TRIM33: variants seen among roughly 807,000 people sequenced by gnomAD.
The protein encoded by TRIM33 is tripartite motif containing 33.
Under a neutral mutation model 125.4 loss-of-function variants are expected in TRIM33, and 20 were observed. The observed-to-expected ratio is 0.16, with a 90% CI of 0.11 to 0.23. The LOEUF is 0.23. Among genes scored for constraint, TRIM33 ranks in the 10% least tolerant of loss-of-function variants. The probability of loss-of-function intolerance (pLI) is 1.00; values close to 1 mark genes in which losing one functional copy is unlikely to be tolerated. For synonymous variants in TRIM33, 564 were observed against 513.9 expected, an observed-to-expected ratio of 1.10 and a Z score of -1.32; for missense variants, 920 against 1,411.4, an observed-to-expected ratio of 0.65 and a Z score of 5.58.
At chr1:114,452,951 T>G (rs1184199220) in intron 4 of TRIM33, among the ~76,000 whole-genome samples, 1 of 151,608 alleles carries the variant, frequency 6.6e-6, no homozygotes, top group East Asian at 2.0e-4. Flanking sequence ...ACTGACTCAA[T>G]AAGCGTATAA....
chr1:114,397,523 T>A lies in TRIM33; in HGVS notation c.*125A>T. The A allele has an allele frequency of 3.0e-6, 2 of 670,950 alleles. No homozygotes were observed. The highest frequency in any genetic ancestry group is 3.8e-5 in the South Asian group (2 of 52,612). The allele number at this position is 670,950 out of a possible 1,614,324, so 41.6% of individuals were successfully genotyped here. On this transcript the variant is annotated 3_prime_UTR_variant, in exon 20 of 20. Coordinates refer to ENST00000358465, the MANE Select transcript of TRIM33 (RefSeq NM_015906.4). ...ATACTGTGTAAAAGCTATCAGCTTCTTCAAGGAGGTGCCCACTGTAGGCAG... is the reference window on the plus strand; with the variant it reads ...ATACTGTGTAAAAGCTATCAGCTTCATCAAGGAGGTGCCCACTGTAGGCAG...
intron 4 of TRIM33, among the ~76,000 whole-genome samples, chr1:114,450,917 T>C (rs1649272156): frequency 6.6e-6 from 1 of 152,246 alleles, no homozygotes; most frequent in Non-Finnish European, 1.5e-5. Flanking sequence ...ACATTTGTTT[T>C]CTTTTTTCTA....
At chr1:114,436,717 G>A (rs1648332652) in intron 4 of TRIM33, among the ~76,000 whole-genome samples, 1 of 151,924 alleles carries the variant, frequency 6.6e-6, no homozygotes, top group Non-Finnish European at 1.5e-5. Context: ...CGCCCACCTC[G>A]ACCTCCCAAA....
chr1:114,414,451 A>G (rs1259513847), intron 11 of TRIM33, among the ~76,000 whole-genome samples: 1 of 152,104 alleles, frequency 6.6e-6, no homozygotes, highest in Non-Finnish European at 1.5e-5. Flanking sequence ...CTGTTCTTCA[A>G]AAGTGCCCAG....
intron 7 of TRIM33, among the ~76,000 whole-genome samples, chr1:114,427,535 C>T (rs1647667672): frequency 6.6e-6 from 1 of 152,034 alleles, no homozygotes; most frequent in Non-Finnish European, 1.5e-5. Context: ...TATAATTCCA[C>T]TTATATGAAA....
chr1:114,451,875 A>G (rs1649335583), intron 4 of TRIM33, among the ~76,000 whole-genome samples: 1 of 152,196 alleles, frequency 6.6e-6, no homozygotes, highest in Non-Finnish European at 1.5e-5. Context: ...AATTTTAAAA[A>G]GCAGGGAGAG....
At position 114,500,322 on chromosome 1, in the gene TRIM33, G is replaced by GA. The variant is rs1318623331; in HGVS notation, c.526+10228_526+10229insT. Among the ~76,000 whole-genome samples the GA allele has an allele frequency of 5.9e-5, 9 of 152,214 alleles. No individual in the cohort carries two copies. In the East Asian group the frequency reaches 1.5e-3, roughly 26 times the overall value. On this transcript the variant is annotated intron_variant, in intron 1 of 19. Coordinates refer to ENST00000358465, the MANE Select transcript of TRIM33 (RefSeq NM_015906.4). ...CACTGACAGGTTTTTTGTTGTCGTT[G>GA]TTTTTCTGTTCTTTTTTAAAGAGAT...
At chr1:114,467,483 ACT>A (rs1378545298) in intron 1 of TRIM33, among the ~76,000 whole-genome samples, 1 of 152,106 alleles carries the variant, frequency 6.6e-6, no homozygotes, top group Non-Finnish European at 1.5e-5. Flanking sequence ...TGTAGTTATG[ACT>A]GCTGAGGAAG....
At chr1:114,407,260 A>G (rs1652304254) in intron 13 of TRIM33, among the ~76,000 whole-genome samples, 160 bp from the exon 14 acceptor site, 1 of 152,218 alleles carries the variant, frequency 6.6e-6, no homozygotes, top group Non-Finnish European at 1.5e-5. Flanking sequence ...AATGTGGTAT[A>G]AAGCCTAGCT....
At chr1:114,449,446 T>C (rs1439302314) in intron 4 of TRIM33, among the ~76,000 whole-genome samples, 1 of 152,110 alleles carries the variant, frequency 6.6e-6, no homozygotes, top group Non-Finnish European at 1.5e-5. Context: ...CTTGTGGCAC[T>C]CTCTTGGGTA....
chr1:114,482,562 G>C (rs558705427), intron 1 of TRIM33, among the ~76,000 whole-genome samples: 1 of 152,138 alleles, frequency 6.6e-6, no homozygotes, highest in Non-Finnish European at 1.5e-5. Flanking sequence ...TGAAATATAA[G>C]ACTTAACAAG....
intron 11 of TRIM33, among the ~76,000 whole-genome samples, chr1:114,412,564 G>C (rs992280145): frequency 6.6e-6 from 1 of 151,956 alleles, no homozygotes; most frequent in African/African-American, 2.4e-5. Flanking sequence ...CCACTCATCT[G>C]CTTCCTTCAG....
chr1:114,496,423 A>T (rs975202527), intron 1 of TRIM33, among the ~76,000 whole-genome samples: 1 of 152,242 alleles, frequency 6.6e-6, no homozygotes, highest in Non-Finnish European at 1.5e-5. Context: ...TCTATTGTGG[A>T]CAACAGGTCA....
intron 1 of TRIM33, among the ~76,000 whole-genome samples, chr1:114,477,317 A>C (rs1651038007): frequency 6.6e-6 from 1 of 152,124 alleles, no homozygotes; most frequent in Non-Finnish European, 1.5e-5. Flanking sequence ...AAAATATTAA[A>C]TAGCATTTAA....
chr1:114,439,212 G>A (rs1023229210), intron 4 of TRIM33, among the ~76,000 whole-genome samples: 8 of 152,012 alleles, frequency 5.3e-5, no homozygotes, highest in Non-Finnish European at 8.8e-5. Context: ...AGTGGCTCAC[G>A]CCTGTAATCC....
At chr1:114,481,704 TA>T (rs1390461617) in intron 1 of TRIM33, among the ~76,000 whole-genome samples, 4 of 151,610 alleles carry the variant, frequency 2.6e-5, no homozygotes, top group East Asian at 1.9e-4. Flanking sequence ...TGTATATATA[TA>T]TTTTTTTATA....
At chr1:114,442,567 G>A (rs1244040840) in intron 4 of TRIM33, among the ~76,000 whole-genome samples, 1 of 151,156 alleles carries the variant, frequency 6.6e-6, no homozygotes, top group Non-Finnish European at 1.5e-5. Context: ...GGGCGCCTGT[G>A]ATCCCAGCTA....
chr1:114,415,114 C>T (rs1240666006), intron 11 of TRIM33, among the ~76,000 whole-genome samples: 2 of 150,770 alleles, frequency 1.3e-5, no homozygotes, highest in East Asian at 2.0e-4. Context: ...CCTGCCTCAG[C>T]TTCCCAAGCA....
intron 11 of TRIM33, among the ~76,000 whole-genome samples, chr1:114,419,749 C>A (rs1190333145): frequency 6.6e-6 from 1 of 152,112 alleles, no homozygotes; most frequent in African/African-American, 2.4e-5. Context: ...GAGTAAATTA[C>A]AGCTGCTCTT....
Sources: gnomAD v4.1 joint callset for allele counts (sites outside exome capture counted in the v4.1 genomes callset) on GRCh38, gnomAD v4.1.1 for gene constraint, MANE v1.5 for transcripts, NCBI Gene and HGNC (gene_info 2026-07-23, HGNC 2026-07-21) for gene names.